Variants in HMGCLL1 observed in about 807,000 individuals in gnomAD.
The protein encoded by HMGCLL1 is 3-hydroxy-3-methylglutaryl-CoA lyase like 1.
A neutral mutation model predicts 39.1 loss-of-function variants in HMGCLL1; 36 were observed. That is an observed-to-expected ratio of 0.92 (90% confidence interval 0.71 to 1.22). The LOEUF (loss-of-function observed/expected upper bound fraction) is 1.22. Ranked by LOEUF, HMGCLL1 falls within the 50% of genes most tolerant of loss-of-function variation. The pLI is 0.00. For missense variants in HMGCLL1, 451 were observed against 416.5 expected (o/e 1.08, Z -0.72); for synonymous variants, 149 against 144.0 (o/e 1.03, Z -0.25).
At position 55,439,527 on chromosome 6, in the gene HMGCLL1, G is replaced by A. The variant is rs148276847; in HGVS notation, c.828C>T (p.Ser276=). 39 of 1,612,862 alleles carry A rather than the reference G, an allele frequency of 2.4e-5. No individual in the cohort carries two copies. Among genetic ancestry groups the A allele is most frequent in the African/African-American group, 2.0e-4 (15 of 74,946 alleles). The change falls in exon 8 of 9, where the codon TCC becomes TCT. Residue 276 remains serine (S), a synonymous_variant. Coordinates refer to ENST00000274901, the MANE Select transcript of HMGCLL1 (RefSeq NM_001042406.2). ...TTGCATAAGGGCAGCCACCTAATCC[G>A]GATACTGCGGAGTCCACCACATTAA... ...MGINVVDSAV[S]GLGGCPYAKG...
chr6:55,651,463 G>T, the HMGCLL1 span, among the ~76,000 whole-genome samples: 3 of 152,204 alleles, frequency 2.0e-5, no homozygotes, highest in African/African-American at 7.2e-5. Flanking sequence ...TAAGATACAA[G>T]ACAAAGTCCT....
the HMGCLL1 span, among the ~76,000 whole-genome samples, chr6:55,627,893 ATATATAG>A: frequency 6.3e-4 from 21 of 33,456 alleles, 1 homozygote; most frequent in African/African-American, 2.3e-3. Context: ...ATATATATAT[ATATATAG>A]TATATATACT....
chr6:55,479,111 GC>G (rs1436452385), intron 7 of HMGCLL1, among the ~76,000 whole-genome samples: 1 of 151,330 alleles, frequency 6.6e-6, no homozygotes. Flanking sequence ...GTTGACACTT[GC>G]GTTTTGCAGC....
intron 3 of HMGCLL1, among the ~76,000 whole-genome samples, chr6:55,530,832 T>A (rs1013622101): frequency 6.6e-6 from 1 of 152,150 alleles, no homozygotes; most frequent in Non-Finnish European, 1.5e-5. Flanking sequence ...TACCTAAAAA[T>A]TAGAAAAATC....
chr6:55,635,785 T>C, the HMGCLL1 span, among the ~76,000 whole-genome samples: 1 of 152,150 alleles, frequency 6.6e-6, no homozygotes, highest in Admixed American at 6.6e-5. Context: ...GAAAAATTCA[T>C]TGTTCCAGCC....
the HMGCLL1 span, among the ~76,000 whole-genome samples, chr6:55,614,491 A>G: frequency 2.0e-5 from 3 of 152,130 alleles, no homozygotes; most frequent in Non-Finnish European, 4.4e-5. Flanking sequence ...CACTGAGTCT[A>G]TGGTATTTAG....
the HMGCLL1 span, among the ~76,000 whole-genome samples, chr6:55,586,387 A>G: frequency 8.6e-6 from 1 of 116,074 alleles, no homozygotes; most frequent in Non-Finnish European, 1.7e-5. Flanking sequence ...CTAACAAAAC[A>G]TGGAAATCAG....
At chr6:55,554,055 G>GC (rs1770515736) in intron 1 of HMGCLL1, among the ~76,000 whole-genome samples, 1 of 152,058 alleles carries the variant, frequency 6.6e-6, no homozygotes, top group Non-Finnish European at 1.5e-5. Flanking sequence ...CAACAGAGGG[G>GC]CACTCACTTC....
the HMGCLL1 span, among the ~76,000 whole-genome samples, chr6:55,591,434 T>C: frequency 0.2 from 30,865 of 151,872 alleles, 3,838 homozygotes; most frequent in East Asian, 0.49. Flanking sequence ...TTGATAATCA[T>C]GCCTGGTGGG....
chr6:55,635,078 T>C, the HMGCLL1 span, among the ~76,000 whole-genome samples: 1 of 152,094 alleles, frequency 6.6e-6, no homozygotes, highest in African/African-American at 2.4e-5. Flanking sequence ...TAGAACTATA[T>C]TGTCTGGACA....
chr6:55,486,482 A>C (rs1208526552), intron 7 of HMGCLL1, among the ~76,000 whole-genome samples: 1 of 152,078 alleles, frequency 6.6e-6, no homozygotes, highest in Non-Finnish European at 1.5e-5. Flanking sequence ...AGACGAACTC[A>C]TTAAATATGG....
intron 8 of HMGCLL1, among the ~76,000 whole-genome samples, chr6:55,436,410 TG>T (rs1284243013): frequency 2.0e-5 from 3 of 151,982 alleles, no homozygotes; most frequent in South Asian, 2.1e-4. Context: ...GGTAAATCCA[TG>T]GATGACAGAT....
the HMGCLL1 span, among the ~76,000 whole-genome samples, chr6:55,603,965 T>C: frequency 6.6e-6 from 1 of 152,266 alleles, no homozygotes; most frequent in African/African-American, 2.4e-5. Flanking sequence ...ATTCCATAAG[T>C]ACATACAAAA....
At chr6:55,628,997 C>T in the HMGCLL1 span, among the ~76,000 whole-genome samples, 1 of 152,108 alleles carries the variant, frequency 6.6e-6, no homozygotes, top group African/African-American at 2.4e-5. Context: ...CAGACTAATA[C>T]AGTAAATTGG....
chr6:55,623,678 A>G, the HMGCLL1 span, among the ~76,000 whole-genome samples: 1 of 149,110 alleles, frequency 6.7e-6, no homozygotes, highest in Non-Finnish European at 1.5e-5. Context: ...AACATATTAT[A>G]TATAATACAT....
chr6:55,452,127 G>A (rs1472999471), intron 7 of HMGCLL1, among the ~76,000 whole-genome samples: 1 of 152,184 alleles, frequency 6.6e-6, no homozygotes, highest in African/African-American at 2.4e-5. Flanking sequence ...AGCACTGCAT[G>A]TTTGAGGACA....
At chr6:55,660,835 C>T in the HMGCLL1 span, among the ~76,000 whole-genome samples, 7 of 152,016 alleles carry the variant, frequency 4.6e-5, no homozygotes, top group Middle Eastern at 3.4e-3. Flanking sequence ...TACACTACCG[C>T]CAATGGATTA....
intron 7 of HMGCLL1, among the ~76,000 whole-genome samples, chr6:55,466,793 A>G (rs1764813842): frequency 6.6e-6 from 1 of 152,090 alleles, no homozygotes; most frequent in African/African-American, 2.4e-5. Flanking sequence ...TCTACTTTCT[A>G]TAGATATACT....
intron 7 of HMGCLL1, among the ~76,000 whole-genome samples, chr6:55,464,493 A>C (rs1250085448): frequency 6.6e-6 from 1 of 152,180 alleles, no homozygotes; most frequent in Non-Finnish European, 1.5e-5. Flanking sequence ...CAAGTTCTCC[A>C]AAACACAAGC....
Sources: gnomAD v4.1 joint callset for allele counts (sites outside exome capture counted in the v4.1 genomes callset) on GRCh38, gnomAD v4.1.1 for gene constraint, MANE v1.5 for transcripts, NCBI Gene and HGNC (gene_info 2026-07-23, HGNC 2026-07-21) for gene names.